Variants in HSPG2 observed in about 807,000 individuals in gnomAD.
The protein encoded by HSPG2 is basement membrane-specific heparan sulfate proteoglycan core protein.
Under a neutral mutation model 526.6 loss-of-function variants are expected in HSPG2, and 278 were observed. The observed-to-expected ratio is 0.53, with a 90% CI of 0.48 to 0.58. The LOEUF (loss-of-function observed/expected upper bound fraction) is 0.58. Ranked by LOEUF, HSPG2 falls within the 20% of genes least tolerant of loss-of-function variation. HSPG2 has a pLI of 0.00. For missense variants in HSPG2, 5,354 were observed against 6,099.5 expected (o/e 0.88, Z 4.07); for synonymous variants, 2,465 against 2,555.4 (o/e 0.96, Z 1.07).
intron 85 of HSPG2, chr1:21,830,774 G>A: frequency 5.0e-6 from 3 of 595,560 alleles, no homozygotes; most frequent in Non-Finnish European, 9.0e-6. Context: ...TGGTCAGCAG[G>A]GCTGGAGGAG....
At position 21,852,106 on chromosome 1, in the gene HSPG2, G is replaced by A; in HGVS notation, c.6852C>T (p.Ser2284=). 1.2e-6 allele frequency: 2 copies of A among 1,613,634 alleles called. No homozygotes were observed. Among genetic ancestry groups the A allele is most frequent in the Non-Finnish European group, 1.7e-6 (2 of 1,180,020 alleles). Residue 2284 remains serine, a synonymous_variant, in exon 53 of 97, where the codon AGC becomes AGT. Transcript: ENST00000374695. ...CCTGTACCTGGTGCCGGGCAGGGAG[G>A]CTGCCCCCACGCTTGTACCATGTGA... The part of the protein sequence containing the change: ...AQVTWYKRGG[S]LPARHQVRGS...
Position 21,890,070 on chromosome 1 carries a change from T to C in HSPG2, c.485A>G (p.Gln162Arg), listed in dbSNP as rs753334579. Reference sequence around the variant, plus strand: ...GGAGATGACCCTGAGCAGCATCTCCTGAATCTGAGCCCCATCCGCATTCCC... The same window carrying C: ...GGAGATGACCCTGAGCAGCATCTCCCGAATCTGAGCCCCATCCGCATTCCC... ...SEGNADGAQI[Q>R]EMLLRVISSG... Residue 162 changes from glutamine to arginine, a missense_variant, in exon 6 of 97, where the codon CAG becomes CGG. Physicochemically the swap from Gln to Arg is conservative, Grantham distance 43. Coordinates refer to ENST00000374695, the MANE Select transcript of HSPG2 (RefSeq NM_005529.7). This position sits in a 1 kb window ranked among gnomAD's most constrained non-coding sequence, Gnocchi z 4.1. 1.2e-6 allele frequency: 2 copies of C among 1,613,878 alleles called. No individual in the cohort carries two copies. Among genetic ancestry groups the C allele is most frequent in the Admixed American group, 3.3e-5 (2 of 60,018 alleles).
rs777465165 is a variant in HSPG2, at chr1:21,865,335, G to T, written c.4345C>A (p.Pro1449Thr). Residue 1449 changes from proline (P) to threonine (T), a missense_variant, in exon 35 of 97, where the codon CCA becomes ACA. By Grantham distance (38) the Pro-to-Thr change is conservative. Coordinates refer to ENST00000374695, the MANE Select transcript of HSPG2 (RefSeq NM_005529.7). The surrounding 1 kb of genome is among the most constrained non-coding windows in gnomAD (Gnocchi z 5.4). ...CTCCTCTCAGGGCCCTGCAGCGCTGGCTGGGAGGCCACTAGCATGATGTTG... is the reference window on the plus strand; with the variant it reads ...CTCCTCTCAGGGCCCTGCAGCGCTGTCTGGGAGGCCACTAGCATGATGTTG... ...GNNIMLVASQPALQGPERRSY... is the reference protein window; with the variant it reads ...GNNIMLVASQTALQGPERRSY... 4 of 1,614,094 alleles carry T rather than the reference G, an allele frequency of 2.5e-6. No homozygotes were observed. In the East Asian group the frequency reaches 6.7e-5, roughly 27 times the overall value.
chr1:21,928,460 A>T (rs540542565), intron 1 of HSPG2, among the ~76,000 whole-genome samples: 17 of 152,218 alleles, frequency 1.1e-4, no homozygotes, highest in Non-Finnish European at 2.5e-4. Context: ...TGTAGTTTTG[A>T]GACAGAGTCT....
In HSPG2 at chr1:21,842,474, C is replaced by T. The variant is rs960392479; in HGVS notation, c.8911-94G>A. Reference sequence around the variant, plus strand: ...CTGTGCCGGTACCCAAGAGTTCTCTCGGAAGCTCAGGGTCTCAGCTGGTAG... The same window carrying T: ...CTGTGCCGGTACCCAAGAGTTCTCTTGGAAGCTCAGGGTCTCAGCTGGTAG... On this transcript the variant is annotated intron_variant, in intron 67 of 96. Coordinates refer to ENST00000374695, the MANE Select transcript of HSPG2 (RefSeq NM_005529.7). The T allele has an allele frequency of 9.0e-5, 126 of 1,396,112 alleles. 1 individual carries two copies. Among genetic ancestry groups the T allele is most frequent in the South Asian group, 1.3e-4 (9 of 69,484 alleles). The allele number at this position is 1,396,112 out of a possible 1,614,324, so 86.5% of individuals were successfully genotyped here.
chr1:21,849,945 C>G, intron 57 of HSPG2, 96 bp downstream of exon 57: 1 of 1,494,842 alleles, frequency 6.7e-7, no homozygotes, highest in South Asian at 1.1e-5. Flanking sequence ...CCCAAAGTGC[C>G]GGGATTACAG....
At chr1:21,875,802 C>T in intron 24 of HSPG2, 55 bp from the exon 25 acceptor site, 1 of 1,607,258 alleles carries the variant, frequency 6.2e-7, no homozygotes, top group Non-Finnish European at 8.5e-7. Context: ...GTATTGAATG[C>T]CGGAGAGGCA....
intron 1 of HSPG2, among the ~76,000 whole-genome samples, chr1:21,900,921 C>G (rs1179156744): frequency 6.6e-6 from 1 of 152,052 alleles, no homozygotes; most frequent in Non-Finnish European, 1.5e-5. Flanking sequence ...GGGTGCCAAG[C>G]CCTGAACTGA....
At chr1:21,837,102 G>T in intron 74 of HSPG2, 96 bp from the exon 75 acceptor site, 1 of 1,122,180 alleles carries the variant, frequency 8.9e-7, no homozygotes, top group Non-Finnish European at 1.3e-6. Flanking sequence ...CAACATTCAA[G>T]GAATGTTCTC....
chr1:21,825,286 AT>A (rs2097967629), intron 91 of HSPG2: 1 of 182,058 alleles, frequency 5.5e-6, no homozygotes, highest in Non-Finnish European at 1.2e-5. Flanking sequence ...ATTTTATTTT[AT>A]TTTATTTTGT....
chr1:21,885,898 C>G (rs1193942984), intron 9 of HSPG2, among the ~76,000 whole-genome samples: 1 of 152,230 alleles, frequency 6.6e-6, no homozygotes, highest in Non-Finnish European at 1.5e-5. Context: ...GGTCTGTGCT[C>G]CCACTGACAG....
chr1:21,854,256 T>C lies in HSPG2; in HGVS notation c.6376A>G (p.Lys2126Glu). 4 of 1,589,326 alleles carry C rather than the reference T, an allele frequency of 2.5e-6. No individual in the cohort carries two copies. The highest frequency in any genetic ancestry group is 3.4e-6 in the Non-Finnish European group (4 of 1,167,538). The change falls in exon 50 of 97, where the codon AAG becomes GAG. Residue 2126 changes from lysine (K) to glutamate (E), a missense_variant. Physicochemically the swap from Lys to Glu is moderately conservative, Grantham distance 56. Transcript: ENST00000374695. ...ACAGACACAGTAATGGAGGCCTCCT[T>C]GGGGCCCGATCCATTCTCCACACGG... Reference protein sequence around the residue: ...VCRVENGSGPKEASITVSVLH... With the variant: ...VCRVENGSGPEEASITVSVLH...
chr1:21,872,125 C>T lies in HSPG2; in HGVS notation c.4221+61G>A, dbSNP rs56270915. The T allele has an allele frequency of 7.8e-6, 12 of 1,528,986 alleles. 1 individual carries two copies. The highest frequency in any genetic ancestry group is 4.9e-5 in the East Asian group (2 of 40,772). The allele number at this position is 1,528,986 out of a possible 1,614,324, so 94.7% of individuals were successfully genotyped here. Reference sequence around the variant, plus strand: ...TGGCAGGTGCCTGCCTGCTGAGAGACGGCGCAGAGGTGAACTCATGTCTGA... The same window carrying T: ...TGGCAGGTGCCTGCCTGCTGAGAGATGGCGCAGAGGTGAACTCATGTCTGA... On this transcript the variant is annotated intron_variant, in intron 33 of 96. Transcript: ENST00000374695. This position sits in a 1 kb window ranked among gnomAD's most constrained non-coding sequence, Gnocchi z 5.5.
rs991943560 is a variant in HSPG2 at position 21,904,873 on chromosome 1, G to T, written c.64-8563C>A. Reference sequence around the variant, plus strand: ...CCCAGCTGCCCTGCTGCCCTGGCAGGTCTGTGGGGCTTCAAGGGCACACCA... The same window carrying T: ...CCCAGCTGCCCTGCTGCCCTGGCAGTTCTGTGGGGCTTCAAGGGCACACCA... On this transcript the variant is annotated intron_variant, in intron 1 of 96. Coordinates refer to ENST00000374695, the MANE Select transcript of HSPG2 (RefSeq NM_005529.7). The surrounding 1 kb of genome is among the most constrained non-coding windows in gnomAD (Gnocchi z 4.4). Among the ~76,000 whole-genome samples the T allele has an allele frequency of 2.0e-5, 3 of 152,190 alleles. No homozygotes were observed. The highest frequency in any genetic ancestry group is 4.4e-5 in the Non-Finnish European group (3 of 68,038).
chr1:21,925,195 TCAAA>T (rs1644153642), intron 1 of HSPG2, among the ~76,000 whole-genome samples: 1 of 151,990 alleles, frequency 6.6e-6, no homozygotes, highest in Non-Finnish European at 1.5e-5. Context: ...ATAACACAGA[TCAAA>T]CAATGAGCGC....
At position 21,841,547 on chromosome 1, in the gene HSPG2, C is replaced by G; in HGVS notation, c.9320G>C (p.Ser3107Thr). The G allele has an allele frequency of 6.2e-7, 1 of 1,614,220 alleles. No homozygotes were observed. Among genetic ancestry groups the G allele is most frequent in the Non-Finnish European group, 8.5e-7 (1 of 1,180,024 alleles). The change falls in exon 70 of 97, where the codon AGT (serine) becomes ACT (threonine). Residue 3107 changes from serine to threonine, a missense_variant. Transcript: ENST00000374695. Reference sequence around the variant, plus strand: ...GGTCAACGTCCCCTCACCGTGCACACTGAGGTTCACCACACTCTGGGCCAC... The same window carrying G: ...GGTCAACGTCCCCTCACCGTGCACAGTGAGGTTCACCACACTCTGGGCCAC... ...YGVAQSVVNL[S>T]VHGPPTVSVL...
chr1:21,860,197 C>T lies in HSPG2; in HGVS notation c.4994G>A (p.Gly1665Glu). 1 of 1,613,868 alleles carries T rather than the reference C, an allele frequency of 6.2e-7. No homozygotes were observed. The highest frequency in any genetic ancestry group is 1.3e-5 in the African/African-American group (1 of 75,046). Residue 1665 changes from glycine (G) to glutamate (E), a missense_variant, in exon 40 of 97, where the codon GGG (glycine) becomes GAG (glutamate). Coordinates refer to ENST00000374695, the MANE Select transcript of HSPG2 (RefSeq NM_005529.7). Reference protein sequence around the residue: ...PGYVGNPSVQGGQCLPETNQA... With the variant: ...PGYVGNPSVQEGQCLPETNQA... ...CTTACTCTCTGGCAGGCACTGGCCC[C>T]CTTGCACACTGGGGTTACCCACGTA...
At chr1:21,901,061 C>T (rs550799004) in intron 1 of HSPG2, among the ~76,000 whole-genome samples, 1 of 152,002 alleles carries the variant, frequency 6.6e-6, no homozygotes, top group South Asian at 2.1e-4. Flanking sequence ...TGTCACATGC[C>T]GGCTGGGCAC....
intron 80 of HSPG2, chr1:21,832,964 G>C (rs761777099): frequency 7.2e-6 from 4 of 559,020 alleles, no homozygotes; most frequent in East Asian, 3.1e-5. Context: ...TGGAGGCAGA[G>C]GAGGGAGGAA....
Sources: gnomAD v4.1 joint callset for allele counts (sites outside exome capture counted in the v4.1 genomes callset) on GRCh38, gnomAD v4.1.1 for gene constraint, Gnocchi (gnomAD v3.1) non-coding constraint, MANE v1.5 for transcripts, NCBI Gene and HGNC (gene_info 2026-07-23, HGNC 2026-07-21) for gene names.